The following TOX2 variants were observed in gnomAD, a reference collection of about 807,000 sequenced individuals.
TOX2 encodes the protein TOX high mobility group box family member 2, also known as granulosa cell HMG box 1.
A neutral mutation model predicts 47.4 loss-of-function variants in TOX2; 15 were observed. That is an observed-to-expected ratio of 0.32 (90% CI 0.21 to 0.49). The LOEUF (loss-of-function observed/expected upper bound fraction) is 0.49, where lower values mean the gene tolerates loss of function less well. Ranked by LOEUF, TOX2 falls within the 20% of genes least tolerant of loss-of-function variation. The probability of loss-of-function intolerance (pLI) is 0.99; values close to 1 mark genes in which losing one functional copy is unlikely to be tolerated. For synonymous variants in TOX2, 290 were observed against 296.6 expected (o/e 0.98, Z 0.23); for missense variants, 622 against 673.1 (o/e 0.92, Z 0.84).
chr20:44,008,588 T>C (rs958527403), intron 3 of TOX2, among the ~76,000 whole-genome samples: 1 of 152,078 alleles, frequency 6.6e-6, no homozygotes, highest in Non-Finnish European at 1.5e-5. Flanking sequence ...ATGGCTGATC[T>C]GAACCATCAA....
intron 1 of TOX2, among the ~76,000 whole-genome samples, chr20:43,937,524 A>T (rs2069342016): frequency 6.6e-6 from 1 of 152,024 alleles, no homozygotes; most frequent in African/African-American, 2.4e-5. Context: ...CTGGTGTGTG[A>T]GGGAAGTGAG....
intron 2 of TOX2, among the ~76,000 whole-genome samples, chr20:43,982,249 G>C (rs190057383): frequency 1.5e-3 from 233 of 152,270 alleles, no homozygotes; most frequent in African/African-American, 4.9e-3. Context: ...GGGACTGCGG[G>C]TGAGAGGTGG....
chr20:44,031,948 A>G (rs909788458), intron 3 of TOX2, among the ~76,000 whole-genome samples: 1 of 152,190 alleles, frequency 6.6e-6, no homozygotes, highest in Non-Finnish European at 1.5e-5. Context: ...CCCATGTGCA[A>G]TTTACATCCT....
Position 44,066,033 on chromosome 20 carries a change from C to CA in TOX2, c.1283dup (p.Pro429AlafsTer31). 6.2e-7 allele frequency: 1 copy of CA among 1,602,182 alleles called. No individual in the cohort carries two copies. Among genetic ancestry groups the CA allele is most frequent in the Non-Finnish European group, 8.5e-7 (1 of 1,175,082 alleles). On this transcript the variant is annotated frameshift_variant, in exon 7 of 9. Transcript: ENST00000341197. LOFTEE classifies it high-confidence loss of function. Reference sequence around the variant, plus strand: ...ACCTGTTAGCATGTCCCCAGCCCCCCAGCCCCCTGTCCTGCCCACCCCCAT... The same window carrying CA: ...ACCTGTTAGCATGTCCCCAGCCCCCCAAGCCCCCTGTCCTGCCCACCCCCAT...
chr20:44,048,260 T>A (rs1344694079), intron 3 of TOX2, among the ~76,000 whole-genome samples: 2 of 151,452 alleles, frequency 1.3e-5, no homozygotes, highest in African/African-American at 4.9e-5. Context: ...AGAAGGAAAA[T>A]TTTAAAAAGC....
chr20:43,977,415 A>G (rs922798179), intron 2 of TOX2, among the ~76,000 whole-genome samples: 1 of 152,128 alleles, frequency 6.6e-6, no homozygotes, highest in African/African-American at 2.4e-5. Context: ...CTGGCCCAGA[A>G]CATTCAAATC....
chr20:43,921,816 T>C (rs1040143126), intron 1 of TOX2, among the ~76,000 whole-genome samples: 1 of 152,132 alleles, frequency 6.6e-6, no homozygotes, highest in Admixed American at 6.5e-5. Context: ...GAGCCACCAC[T>C]TCTGGCCCTG....
intron 2 of TOX2, among the ~76,000 whole-genome samples, chr20:43,983,047 C>G (rs1485096160): frequency 6.6e-6 from 1 of 151,882 alleles, no homozygotes; most frequent in African/African-American, 2.4e-5. Context: ...GCTCTCAGGT[C>G]TCTGGGGTGC....
At position 44,020,304 on chromosome 20, in the gene TOX2, C is replaced by T. The variant is rs902400914; in HGVS notation, c.411+13512C>T. On this transcript the variant is annotated intron_variant, in intron 3 of 8. Coordinates refer to ENST00000341197, the MANE Select transcript of TOX2 (RefSeq NM_001098797.2). Reference sequence around the variant, plus strand: ...CTCCTGCATAACTTCCTACGTAAGACGGCCCCCCAAGGGAGGGAGAGCATT... The same window carrying T: ...CTCCTGCATAACTTCCTACGTAAGATGGCCCCCCAAGGGAGGGAGAGCATT... Among the ~76,000 whole-genome samples, 9 of 152,070 alleles carry T rather than the reference C, an allele frequency of 5.9e-5. 1 individual carries two copies. Among genetic ancestry groups the T allele is most frequent in the South Asian group, 4.1e-4 (2 of 4,826 alleles).
intron 1 of TOX2, among the ~76,000 whole-genome samples, chr20:43,959,114 G>A (rs1044561144): frequency 5.9e-5 from 9 of 152,326 alleles, no homozygotes; most frequent in South Asian, 4.1e-4. Flanking sequence ...AGGCAACTGG[G>A]GTGAAAGCGG....
intron 8 of TOX2, among the ~76,000 whole-genome samples, chr20:44,067,573 C>CT (rs559761107): frequency 2.6e-3 from 399 of 152,224 alleles, no homozygotes; most frequent in African/African-American, 9.2e-3. Flanking sequence ...TTAGAGACCC[C>CT]TTCTCCCTGC....
intron 1 of TOX2, among the ~76,000 whole-genome samples, chr20:43,946,705 A>AG (rs1244342988): frequency 6.6e-6 from 1 of 152,242 alleles, no homozygotes; most frequent in Non-Finnish European, 1.5e-5. Context: ...AGGGGACTTA[A>AG]GGGGACACAC....
rs11907472 is a variant in TOX2, at chr20:43,981,575, T to C, written c.165+8143T>C. Among the ~76,000 whole-genome samples the C allele has an allele frequency of 1.1e-3, 171 of 152,326 alleles. 1 individual carries two copies. The highest frequency in any genetic ancestry group is 3.9e-3 in the African/African-American group (161 of 41,562). On this transcript the variant is annotated intron_variant, in intron 2 of 8. Transcript: ENST00000341197. ...GCTGGGCAGGGATAGAAAAAGACTT[T>C]TCACCGTATCTTTTTATGTTTAGGG...
At chr20:43,979,955 G>A (rs919497529) in intron 2 of TOX2, among the ~76,000 whole-genome samples, 1 of 152,176 alleles carries the variant, frequency 6.6e-6, no homozygotes, top group African/African-American at 2.4e-5. Flanking sequence ...AACTACTGTG[G>A]AGAACAGTTT....
intron 5 of TOX2, among the ~76,000 whole-genome samples, chr20:44,059,009 A>G (rs747715822): frequency 1.3e-5 from 2 of 152,268 alleles, no homozygotes; most frequent in Non-Finnish European, 2.9e-5. Context: ...CTCAACAGCA[A>G]TGGATCCAAA....
At chr20:44,024,918 C>G (rs991322517) in intron 3 of TOX2, among the ~76,000 whole-genome samples, 1 of 152,122 alleles carries the variant, frequency 6.6e-6, no homozygotes, top group Non-Finnish European at 1.5e-5. Context: ...CCAGTGTGTT[C>G]TATTGGAGCA....
Position 44,054,382 on chromosome 20 carries a change from G to T in TOX2, c.735G>T (p.Glu245Asp). The change falls in exon 5 of 9, where the codon GAG (glutamate) becomes GAT (aspartate). Residue 245 changes from glutamate to aspartate, a missense_variant. This residue lies in a region of TOX2 where 307 missense variants were observed against 327.3 expected (regional missense o/e 0.94). Coordinates refer to ENST00000341197, the MANE Select transcript of TOX2 (RefSeq NM_001098797.2). ...PKKKKKKDPN[E>D]PQKPVSAYAL... ...AGAAGAAAAAGAAGGACCCCAATGA[G>T]CCGCAGAAGCCTGTGTCGGCCTACG... The T allele has an allele frequency of 6.2e-7, 1 of 1,611,706 alleles. No homozygotes were observed. The highest frequency in any genetic ancestry group is 8.5e-7 in the Non-Finnish European group (1 of 1,179,360).
chr20:43,917,490 C>T (rs983797456), intron 1 of TOX2, among the ~76,000 whole-genome samples: 5 of 152,152 alleles, frequency 3.3e-5, no homozygotes, highest in Admixed American at 2.6e-4. Flanking sequence ...GGGCTCTGTC[C>T]GCAGACAAGA....
intron 3 of TOX2, among the ~76,000 whole-genome samples, chr20:44,043,067 T>C (rs899040046): frequency 1.3e-5 from 2 of 152,160 alleles, no homozygotes; most frequent in South Asian, 2.1e-4. Context: ...ATTTGCAGCA[T>C]GTGAAGTTTT....
Sources: allele counts gnomAD v4.1 joint callset (sites outside exome capture counted in the v4.1 genomes callset), GRCh38; gene constraint gnomAD v4.1.1; regional missense constraint gnomAD v4.1.1; transcripts MANE v1.5; gene names NCBI Gene and HGNC (gene_info 2026-07-23, HGNC 2026-07-21).